Variants in COX18 observed in about 807,000 individuals in gnomAD.
COX18 encodes cytochrome c oxidase assembly protein COX18, mitochondrial.
Under a neutral mutation model 38.0 loss-of-function variants are expected in COX18, and 45 were observed. The observed-to-expected ratio is 1.18, with a 90% confidence interval of 0.93 to 1.52. The LOEUF (loss-of-function observed/expected upper bound fraction) is 1.52, where lower values mean the gene tolerates loss of function less well. Among genes scored for constraint, COX18 ranks in the 40% most tolerant of loss-of-function variants. The pLI, the probability that COX18 is intolerant of heterozygous loss-of-function variation, is 0.00. For missense variants in COX18, 462 were observed against 423.8 expected (o/e 1.09, Z -0.79); for synonymous variants, 177 against 169.8 (o/e 1.04, Z -0.33).
chr4:73,069,573 G>A lies in COX18; in HGVS notation c.77C>T (p.Ala26Val), dbSNP rs891695667. ...CTTGGCGCCGCTCGTAGGAACCGGCGCAAGCGGCAGGTCCCTAGCCCAAAG... is the reference window on the plus strand; with the variant it reads ...CTTGGCGCCGCTCGTAGGAACCGGCACAAGCGGCAGGTCCCTAGCCCAAAG... ...LQLWARDLPL[A>V]PVPTSGAKRP... is the part of the protein sequence containing the mutation. The change falls in exon 1 of 6, where the codon GCG becomes GTG. Residue 26 changes from alanine to valine, a missense_variant. Physicochemically the swap from Ala to Val is moderately conservative, Grantham distance 64 (BLOSUM62 0). Transcript: ENST00000507544. The A allele has an allele frequency of 1.5e-5, 24 of 1,563,050 alleles. No individual in the cohort carries two copies. Among genetic ancestry groups the A allele is most frequent in the Non-Finnish European group, 1.9e-5 (22 of 1,154,974 alleles).
chr4:73,055,308 A>G lies in COX18; in HGVS notation c.*2806T>C, dbSNP rs975140665. 7.9e-5 allele frequency: 12 copies of G among 152,252 alleles called. No individual in the cohort carries two copies. The highest frequency in any genetic ancestry group is 2.9e-4 in the African/African-American group (12 of 41,470). The allele number at this position is 152,252 out of a possible 1,614,324, so 9.4% of individuals were successfully genotyped here. The stretch of plus-strand genomic sequence containing the variant: ...ATAGTCAATTTGCATTATTTGTGGT[A>G]CTTATGTTCCATAAAGTCCACAAAC... On this transcript the variant is annotated 3_prime_UTR_variant, in exon 6 of 6. Coordinates refer to ENST00000507544, the MANE Select transcript of COX18 (RefSeq NM_001297732.2).
intron 4 of COX18, among the ~76,000 whole-genome samples, chr4:73,063,862 T>C (rs1036372638): frequency 1.3e-4 from 20 of 152,250 alleles, no homozygotes; most frequent in African/African-American, 2.7e-4. Context: ...AGATCTCTAC[T>C]GAGGTAAATC....
At chr4:73,060,749 G>A (rs1038154152) in intron 5 of COX18, among the ~76,000 whole-genome samples, 4 of 151,902 alleles carry the variant, frequency 2.6e-5, no homozygotes, top group East Asian at 1.9e-4. Context: ...GTGTGGTGGC[G>A]TGTGCCTGTA....
rs1474391483 is a variant in COX18, at chr4:73,065,289, C to T, written c.559G>A (p.Ala187Thr). The change falls in exon 3 of 6, where the codon GCT becomes ACT. Residue 187 changes from alanine to threonine, a missense_variant. Ala to Thr is a moderately conservative substitution (Grantham distance 58). Coordinates refer to ENST00000507544, the MANE Select transcript of COX18 (RefSeq NM_001297732.2). ...QLPMWIFMSF[A>T]LRNLSTGAAH... The stretch of plus-strand genomic sequence containing the variant: ...GCCCCCGTGCTTAAATTCCGGAGAG[C>T]AAAAGACATGAAGATCCACATTGGA... 3 of 1,611,906 alleles carry T rather than the reference C, an allele frequency of 1.9e-6. No homozygotes were observed. The Admixed American group carries it at 5.0e-5, about 27-fold the overall frequency.
chr4:73,067,987 T>C (rs1171194983), intron 2 of COX18, 42 bp downstream of exon 2: 1 of 1,050,552 alleles, frequency 9.5e-7, no homozygotes, highest in Non-Finnish European at 1.5e-6. Flanking sequence ...TGTGTGTGTG[T>C]GTATGTGTGC....
At chr4:73,059,028 G>A (rs1007135267) in intron 5 of COX18, among the ~76,000 whole-genome samples, 1 of 152,172 alleles carries the variant, frequency 6.6e-6, no homozygotes, top group East Asian at 1.9e-4. Context: ...CTGACAGGAG[G>A]TGGAGCTCAG....
At chr4:73,066,451 G>A (rs1466921119) in intron 2 of COX18, among the ~76,000 whole-genome samples, 1 of 152,192 alleles carries the variant, frequency 6.6e-6, no homozygotes, top group Non-Finnish European at 1.5e-5. Context: ...TACTTGGGAG[G>A]CCAAAGTGGG....
chr4:73,058,455 A>G (rs1002675572), intron 5 of COX18, among the ~76,000 whole-genome samples, 168 bp from the exon 6 acceptor site: 7 of 152,220 alleles, frequency 4.6e-5, no homozygotes, highest in African/African-American at 1.7e-4. Flanking sequence ...CAGGGAAAAA[A>G]GGTTACAGAC....
rs566496161 is a variant in COX18 at position 73,068,951 on chromosome 4, A to T, written c.333+366T>A. ...CTTTGGGACGAAAGACACTGCAGAC[A>T]TACTGGCTATTAAAACTTTTAAGAC... On this transcript the variant is annotated intron_variant, in intron 1 of 5. Transcript: ENST00000507544. Among the ~76,000 whole-genome samples the T allele has an allele frequency of 8.5e-5, 13 of 152,352 alleles. No homozygotes were observed. The East Asian group carries it at 2.3e-3, about 27-fold the overall frequency.
intron 3 of COX18, 53 bp downstream of exon 3, chr4:73,065,196 TA>T: frequency 1.1e-5 from 13 of 1,183,474 alleles, no homozygotes; most frequent in East Asian, 2.4e-5. Flanking sequence ...TTTTTTTTTT[TA>T]GTACAAAGAC....
chr4:73,065,994 G>T (rs184001277), intron 2 of COX18, among the ~76,000 whole-genome samples: 3 of 152,290 alleles, frequency 2.0e-5, no homozygotes, highest in African/African-American at 7.2e-5. Flanking sequence ...AGGTCCAAGA[G>T]AATAGGAGTT....
At chr4:73,065,196 T>TATTA in intron 3 of COX18, 54 bp downstream of exon 3, 3 of 1,183,496 alleles carry the variant, frequency 2.5e-6, no homozygotes, top group Non-Finnish European at 3.6e-6. Context: ...TTTTTTTTTT[T>TATTA]AGTACAAAGA....
At chr4:73,069,247 A>G (rs1720626496) in intron 1 of COX18, 70 bp downstream of exon 1, 1 of 1,158,360 alleles carries the variant, frequency 8.6e-7, no homozygotes, top group African/African-American at 1.6e-5. Flanking sequence ...GAAAACCCTG[A>G]GTGAATGTCG....
chr4:73,061,664 C>T (rs995157044), intron 5 of COX18, 149 bp downstream of exon 5: 10 of 563,378 alleles, frequency 1.8e-5, no homozygotes, highest in Admixed American at 3.4e-5. Context: ...GCCGAGATCG[C>T]GCCACTGCAC....
rs1411149336 is a variant in COX18 at position 73,053,835 on chromosome 4, G to GT, written c.*4278dup. The GT allele has an allele frequency of 6.6e-6, 1 of 152,158 alleles. No individual in the cohort carries two copies. Among genetic ancestry groups the GT allele is most frequent in the Non-Finnish European group, 1.5e-5 (1 of 68,030 alleles). 9.4% of individuals were successfully genotyped at this position (152,158 alleles called of 1,614,324 possible). On this transcript the variant is annotated 3_prime_UTR_variant, in exon 6 of 6. Transcript: ENST00000507544. ...ATCTGACTAGGATGGGATTTGTTCA[G>GT]TTTTCTCTTCTAACGGTCCCAGGGA...
intron 4 of COX18, among the ~76,000 whole-genome samples, chr4:73,064,056 G>A (rs1019952436): frequency 6.6e-6 from 1 of 152,034 alleles, no homozygotes; most frequent in Non-Finnish European, 1.5e-5. Flanking sequence ...AGGCCAAGGC[G>A]GGTGGATCAC....
chr4:73,061,474 C>T (rs1036251036), intron 5 of COX18, among the ~76,000 whole-genome samples: 2 of 151,302 alleles, frequency 1.3e-5, no homozygotes, highest in African/African-American at 2.4e-5. Context: ...TTTCGGAGGC[C>T]GAGGCGGGAG....
At chr4:73,068,163 A>AT (rs1332981714) in intron 1 of COX18, 34 bp from the exon 2 acceptor site, 1 of 1,357,158 alleles carries the variant, frequency 7.4e-7, no homozygotes, top group Admixed American at 2.0e-5. Flanking sequence ...ATGAGCACAT[A>AT]AAGGATCTTT....
rs1719899809 is a variant in COX18, at chr4:73,056,705, C to G, written c.*1409G>C. On this transcript the variant is annotated 3_prime_UTR_variant, in exon 6 of 6. Transcript: ENST00000507544. ...AACTAGGAATTGCCAGAAAATCTTC[C>G]TGGTAACAAGGAAGTCCCCGTATTG... The G allele has an allele frequency of 6.6e-6, 1 of 152,084 alleles. No homozygotes were observed. The highest frequency in any genetic ancestry group is 2.4e-5 in the African/African-American group (1 of 41,394). The allele number at this position is 152,084 out of a possible 1,614,324, so 9.4% of individuals were successfully genotyped here.
Sources: allele counts gnomAD v4.1 joint callset (sites outside exome capture counted in the v4.1 genomes callset), GRCh38; gene constraint gnomAD v4.1.1; transcripts MANE v1.5; gene names NCBI Gene and HGNC (gene_info 2026-07-23, HGNC 2026-07-21).